DZIP3: variants seen among roughly 807,000 people sequenced by gnomAD.
The protein encoded by DZIP3 is DAZ interacting zinc finger protein 3, also known as E3 ubiquitin-protein ligase DZIP3.
A neutral mutation model predicts 162.0 loss-of-function variants in DZIP3; 118 were observed. The ratio of observed to expected loss-of-function variants is 0.73; its 90% CI spans 0.63 to 0.85. The LOEUF (loss-of-function observed/expected upper bound fraction) is 0.85, where lower values mean the gene tolerates loss of function less well. Among genes scored for constraint, DZIP3 ranks in the 40% least tolerant of loss-of-function variants. The pLI is 0.00. For synonymous variants in DZIP3, 438 were observed against 458.6 expected (o/e 0.96, Z 0.57); for missense variants, 1,331 against 1,407.0 (o/e 0.95, Z 0.86).
chr3:108,657,804 G>A (rs1256352014), intron 19 of DZIP3, among the ~76,000 whole-genome samples: 1 of 152,072 alleles, frequency 6.6e-6, no homozygotes, highest in Non-Finnish European at 1.5e-5. Context: ...GATCTACCAA[G>A]CAAATGGAAA....
chr3:108,595,640 G>A (rs1214689235), intron 1 of DZIP3, among the ~76,000 whole-genome samples: 1 of 152,154 alleles, frequency 6.6e-6, no homozygotes. Context: ...CAAATTTAGG[G>A]CTGTCTAGCT....
At chr3:108,652,245 A>G (rs1016803587) in intron 18 of DZIP3, among the ~76,000 whole-genome samples, 2 of 151,806 alleles carry the variant, frequency 1.3e-5, no homozygotes, top group Non-Finnish European at 3.0e-5. Context: ...TATATATACA[A>G]TAACATATAT....
chr3:108,688,898 C>T lies in DZIP3; in HGVS notation c.3490C>T (p.Pro1164Ser), dbSNP rs1347555943. 2 of 1,613,982 alleles carry T rather than the reference C, an allele frequency of 1.2e-6. No individual in the cohort carries two copies. Among genetic ancestry groups the T allele is most frequent in the African/African-American group, 2.7e-5 (2 of 74,888 alleles). ...GTCTCCAGAAAATCTTTCAGTTTTG[C>T]CTTGCGCTCACAAATTCCATGCTCA... ...NLSPENLSVL[P>S]CAHKFHAQCI... Residue 1164 changes from proline (P) to serine (S), a missense_variant, in exon 31 of 33, where the codon CCT becomes TCT. Around this residue, in one of 2 missense-constraint regions of DZIP3, gnomAD observed 53 missense variants for 89.9 expected, o/e 0.59. Transcript: ENST00000361582.
intron 5 of DZIP3, among the ~76,000 whole-genome samples, chr3:108,624,101 G>T (rs899833775): frequency 3.9e-5 from 6 of 152,056 alleles, no homozygotes; most frequent in African/African-American, 1.4e-4. Context: ...CCTGATTTTT[G>T]TTTCTATGAA....
At chr3:108,674,243 G>A in intron 24 of DZIP3, 62 bp downstream of exon 24, 1 of 1,377,778 alleles carries the variant, frequency 7.3e-7, no homozygotes, top group Non-Finnish European at 1.0e-6. Context: ...TGTCTCCACG[G>A]TTGAATATAA....
intron 15 of DZIP3, among the ~76,000 whole-genome samples, chr3:108,647,377 AAC>A (rs1261411732): frequency 6.6e-6 from 1 of 152,098 alleles, no homozygotes; most frequent in East Asian, 1.9e-4. Flanking sequence ...ACTTAAAAAA[AAC>A]ACCACCACAG....
chr3:108,616,154 C>T (rs7649175), intron 4 of DZIP3, among the ~76,000 whole-genome samples: 1,979 of 152,114 alleles, frequency 0.013, 41 homozygotes, highest in African/African-American at 0.046. Context: ...GTCCCAGATA[C>T]TCAGGAGGCT....
Position 108,665,151 on chromosome 3 carries a change from ATAT to A in DZIP3, c.2423+2899_2423+2901del, listed in dbSNP as rs1943616336. Among the ~76,000 whole-genome samples, 2 of 152,248 alleles carry A rather than the reference ATAT, an allele frequency of 1.3e-5. 1 individual carries two copies. The highest frequency in any genetic ancestry group is 4.1e-4 in the South Asian group (2 of 4,830). On this transcript the variant is annotated intron_variant, in intron 21 of 32. Transcript: ENST00000361582. Reference sequence around the variant, plus strand: ...AAAAGACCAACAAATGACAATATTAATATTATTCAGATATTGGAATTATCTGAC... The same window carrying A: ...AAAAGACCAACAAATGACAATATTAATATTCAGATATTGGAATTATCTGAC...
rs199999684 is a variant in DZIP3, at chr3:108,682,083, GA to G, written c.2884-2124del. Among the ~76,000 whole-genome samples the G allele has an allele frequency of 5.9e-4, 87 of 148,088 alleles. 4 individuals are homozygous for G. The highest frequency in any genetic ancestry group is 1.5e-3 in the African/African-American group (58 of 39,308). ...CCCAGAACTTAAAGTATAATAATTA[GA>G]AAAAAAAAGAACAGCTATTATCAAA... On this transcript the variant is annotated intron_variant, in intron 26 of 32. Transcript: ENST00000361582.
Position 108,616,528 on chromosome 3 carries a change from T to C in DZIP3, c.259-13T>C, listed in dbSNP as rs1167867414. The C allele has an allele frequency of 3.2e-6, 5 of 1,574,014 alleles. No individual in the cohort carries two copies. The African/African-American group carries it at 5.4e-5, about 17-fold the overall frequency. On this transcript the variant is annotated splice_polypyrimidine_tract_variant and intron_variant, in intron 4 of 32. Transcript: ENST00000361582. Reference sequence around the variant, plus strand: ...AGACTTATAGACATTTTTAACTGAATAATTTTCCACAGAGAGAAGTTGCAG... The same window carrying C: ...AGACTTATAGACATTTTTAACTGAACAATTTTCCACAGAGAGAAGTTGCAG...
chr3:108,642,381 T>G, intron 12 of DZIP3, 57 bp from the exon 13 acceptor site: 1 of 1,425,524 alleles, frequency 7.0e-7, no homozygotes, highest in Non-Finnish European at 9.4e-7. Context: ...CTAGAAATCT[T>G]GACTGACTTT....
intron 1 of DZIP3, among the ~76,000 whole-genome samples, chr3:108,598,692 C>T (rs1193625570): frequency 1.3e-5 from 2 of 152,136 alleles, no homozygotes; most frequent in Non-Finnish European, 2.9e-5. Context: ...TCTCTGCGTG[C>T]GTTATGTCTC....
intron 3 of DZIP3, among the ~76,000 whole-genome samples, chr3:108,609,902 A>T (rs1202944297): frequency 1.3e-5 from 2 of 152,206 alleles, no homozygotes; most frequent in African/African-American, 4.8e-5. Context: ...TTGCCCATGT[A>T]TAAATTTGTT....
chr3:108,624,107 A>G (rs890103304), intron 5 of DZIP3, among the ~76,000 whole-genome samples: 3 of 152,064 alleles, frequency 2.0e-5, no homozygotes, highest in African/African-American at 7.2e-5. Flanking sequence ...TTTTGTTTCT[A>G]TGAAGGGGCT....
chr3:108,654,349 G>C (rs773203291), intron 19 of DZIP3, 39 bp downstream of exon 19: 4 of 1,608,934 alleles, frequency 2.5e-6, no homozygotes, highest in Admixed American at 1.7e-5. Flanking sequence ...TTCTCTTATT[G>C]TTATCTGGTT....
At chr3:108,678,374 A>C (rs537946926) in intron 26 of DZIP3, among the ~76,000 whole-genome samples, 1 of 152,136 alleles carries the variant, frequency 6.6e-6, no homozygotes, top group East Asian at 1.9e-4. Flanking sequence ...GTTCTTGAAA[A>C]AATTATCTTC....
At chr3:108,609,798 GC>G (rs1940595985) in intron 3 of DZIP3, among the ~76,000 whole-genome samples, 1 of 152,190 alleles carries the variant, frequency 6.6e-6, no homozygotes, top group African/African-American at 2.4e-5. Context: ...CCGTGTTCAT[GC>G]CACTGCACTC....
At chr3:108,611,425 G>T (rs1341307321) in intron 4 of DZIP3, 96 bp downstream of exon 4, 7 of 1,440,020 alleles carry the variant, frequency 4.9e-6, no homozygotes, top group South Asian at 4.0e-5. Context: ...TATAGCCAAG[G>T]TCTTGAAAAA....
chr3:108,590,052 G>A (rs1939294472), intron 1 of DZIP3: 1 of 152,172 alleles, frequency 6.6e-6, no homozygotes, highest in East Asian at 1.9e-4. Context: ...CTGACCCTGG[G>A]CCAGGTATTG....
Sources: allele counts gnomAD v4.1 joint callset (sites outside exome capture counted in the v4.1 genomes callset), GRCh38; gene constraint gnomAD v4.1.1; regional missense constraint gnomAD v4.1.1; transcripts MANE v1.5; gene names NCBI Gene and HGNC (gene_info 2026-07-23, HGNC 2026-07-21).